CR2: variants seen among roughly 807,000 people sequenced by gnomAD.
The protein encoded by CR2 is complement receptor type 2.
A neutral mutation model predicts 123.0 loss-of-function variants in CR2; 96 were observed. The observed-to-expected ratio is 0.78, with a 90% CI of 0.66 to 0.93. CR2 has a LOEUF of 0.93. CR2 is among the 40% of genes least tolerant of loss of function. The pLI is 0.00. For synonymous variants in CR2, 484 were observed against 469.5 expected (o/e 1.03, Z -0.40); for missense variants, 1,258 against 1,361.0 (o/e 0.92, Z 1.19).
chr1:207,486,085 G>A (rs1217314697), intron 19 of CR2, among the ~76,000 whole-genome samples: 1 of 151,870 alleles, frequency 6.6e-6, no homozygotes, highest in Non-Finnish European at 1.5e-5. Context: ...ACAAAAATTA[G>A]CCAAGCGTGG....
At chr1:207,470,285 G>A (rs1406869949) in intron 6 of CR2, among the ~76,000 whole-genome samples, 183 bp downstream of exon 6, 1 of 152,170 alleles carries the variant, frequency 6.6e-6, no homozygotes, top group African/African-American at 2.4e-5. Context: ...GTTTTATTTT[G>A]TGGGAATATG....
Position 207,470,785 on chromosome 1 carries a change from G to A in CR2, c.1271G>A (p.Arg424Lys). The A allele has an allele frequency of 6.2e-7, 1 of 1,613,896 alleles. No individual in the cohort carries two copies. The highest frequency in any genetic ancestry group is 8.5e-7 in the Non-Finnish European group (1 of 1,179,872). The change falls in exon 7 of 20, where the codon AGA (arginine) becomes AAA (lysine). Residue 424 changes from arginine to lysine, a missense_variant. Physicochemically the swap from Arg to Lys is conservative, Grantham distance 26. Coordinates refer to ENST00000367057, the MANE Select transcript of CR2 (RefSeq NM_001006658.3). ...ATCCTCAATGGGCAAAAGGAAGATA[G>A]ACACATGGTCCGCTTTGACCCTGGA... Reference protein sequence around the residue: ...PNILNGQKEDRHMVRFDPGTS... With the variant: ...PNILNGQKEDKHMVRFDPGTS...
intron 19 of CR2, among the ~76,000 whole-genome samples, chr1:207,487,035 A>T (rs1658768988): frequency 6.6e-6 from 1 of 152,186 alleles, no homozygotes; most frequent in Non-Finnish European, 1.5e-5. Flanking sequence ...GATCTCCGAG[A>T]AGTGAAAGAG....
At chr1:207,458,098 A>ACACT (rs1408541467) in intron 1 of CR2, among the ~76,000 whole-genome samples, 2 of 148,786 alleles carry the variant, frequency 1.3e-5, no homozygotes, top group South Asian at 2.1e-4. Flanking sequence ...ACACACACAC[A>ACACT]CTCCTTTTTC....
At chr1:207,470,255 A>G (rs1362914856) in intron 6 of CR2, among the ~76,000 whole-genome samples, 153 bp downstream of exon 6, 1 of 152,182 alleles carries the variant, frequency 6.6e-6, no homozygotes, top group Non-Finnish European at 1.5e-5. Context: ...GGGCATTCTT[A>G]TCACTAGCCC....
intron 1 of CR2, among the ~76,000 whole-genome samples, chr1:207,463,577 T>C (rs1185570897): frequency 6.6e-6 from 1 of 152,174 alleles, no homozygotes; most frequent in Non-Finnish European, 1.5e-5. Context: ...CTGCTATTCT[T>C]TCAGTAGAGA....
In CR2 at chr1:207,466,805, CTG is replaced by C; in HGVS notation, c.341_342del (p.Val114AspfsTer5). On this transcript the variant is annotated frameshift_variant, in exon 2 of 20. Coordinates refer to ENST00000367057, the MANE Select transcript of CR2 (RefSeq NM_001006658.3). LOFTEE classifies it high-confidence loss of function. The stretch of plus-strand genomic sequence containing the variant: ...TCTACACCCTACAGACATGGTGATT[CTG>C]TGACATTTGCCTGTAAAACCAACTT... 6.2e-7 allele frequency: 1 copy of C among 1,613,974 alleles called. No homozygotes were observed. The highest frequency in any genetic ancestry group is 8.5e-7 in the Non-Finnish European group (1 of 1,179,958).
chr1:207,474,148 C>T, intron 12 of CR2, 93 bp from the exon 13 acceptor site: 2 of 1,137,834 alleles, frequency 1.8e-6, no homozygotes, highest in South Asian at 1.3e-5. Flanking sequence ...CTCCTCTCTG[C>T]CAAAGTTCTT....
In CR2 at chr1:207,471,501, T is replaced by C. The variant is rs1431512449; in HGVS notation, c.1570+2T>C. Reference sequence around the variant, plus strand: ...TTATGGAGATTCGTCTTTGTAAAGGTGAGTAGCAAAAATGATATAGGAGCT... The same window carrying C: ...TTATGGAGATTCGTCTTTGTAAAGGCGAGTAGCAAAAATGATATAGGAGCT... On this transcript the variant is annotated splice_donor_variant, in intron 9 of 19. Transcript: ENST00000367057. LOFTEE classifies it high-confidence loss of function. 11 of 1,600,754 alleles carry C rather than the reference T, an allele frequency of 6.9e-6. No homozygotes were observed. Among genetic ancestry groups the C allele is most frequent in the Non-Finnish European group, 9.4e-6 (11 of 1,167,958 alleles).
intron 19 of CR2, 118 bp from the exon 20 acceptor site, chr1:207,489,024 T>A (rs956237198): frequency 1.3e-5 from 2 of 152,280 alleles, no homozygotes; most frequent in South Asian, 2.1e-4. Context: ...ATAGACTTGA[T>A]GCTTTGTTGG....
intron 16 of CR2, 132 bp from the exon 17 acceptor site, chr1:207,479,125 C>T (rs1044245438): frequency 2.7e-6 from 2 of 750,914 alleles, no homozygotes; most frequent in Non-Finnish European, 4.8e-6. Context: ...TGCCTGGCCC[C>T]AGTACATCTT....
intron 18 of CR2, 93 bp downstream of exon 18, chr1:207,480,146 A>G (rs1658564760): frequency 1.6e-5 from 14 of 890,832 alleles, no homozygotes; most frequent in Admixed American, 1.2e-4. Flanking sequence ...AGTTATGTGA[A>G]ATAAATACTG....
At chr1:207,459,321 G>GTT (rs11398940) in intron 1 of CR2, among the ~76,000 whole-genome samples, 12 of 144,708 alleles carry the variant, frequency 8.3e-5, no homozygotes, top group Middle Eastern at 3.5e-3. Flanking sequence ...GTTTTTTGTT[G>GTT]TTTTTTTTTT....
intron 18 of CR2, among the ~76,000 whole-genome samples, chr1:207,482,759 G>A (rs780512278): frequency 7.2e-5 from 11 of 152,158 alleles, no homozygotes; most frequent in Admixed American, 1.3e-4. Context: ...GATGTTTCAG[G>A]TGAGCCTCAA....
Position 207,469,791 on chromosome 1 carries a change from G to A in CR2, c.914G>A (p.Cys305Tyr). 6.2e-7 allele frequency: 1 copy of A among 1,613,952 alleles called. No individual in the cohort carries two copies. Among genetic ancestry groups the A allele is most frequent in the Non-Finnish European group, 8.5e-7 (1 of 1,179,948 alleles). ...TATGGAAGCATAGTCACTTACACTT[G>A]TGACCCGGACCCAGAGGAAGGAGTG... ...VSYGSIVTYT[C>Y]DPDPEEGVNF... is the part of the protein sequence containing the mutation. The change falls in exon 6 of 20, where the codon TGT (cysteine) becomes TAT (tyrosine). Residue 305 changes from cysteine to tyrosine, a missense_variant. Physicochemically the swap from Cys to Tyr is radical, Grantham distance 194. Coordinates refer to ENST00000367057, the MANE Select transcript of CR2 (RefSeq NM_001006658.3).
chr1:207,460,506 A>C (rs1488235738), intron 1 of CR2, among the ~76,000 whole-genome samples: 2 of 152,134 alleles, frequency 1.3e-5, no homozygotes, highest in Non-Finnish European at 2.9e-5. Flanking sequence ...TTGAAAAAGG[A>C]GATTATAAAT....
rs1658258001 is a variant in CR2, at chr1:207,470,911, G to A, written c.1397G>A (p.Cys466Tyr). The A allele has an allele frequency of 6.2e-7, 1 of 1,613,698 alleles. No individual in the cohort carries two copies. Among genetic ancestry groups the A allele is most frequent in the Non-Finnish European group, 8.5e-7 (1 of 1,179,840 alleles). ...GTGTGGACACCCCCTGTACCCCAAT[G>A]CAAAGGTGCCAGGCCTCAAATGTAG... ...EGVWTPPVPQ[C>Y]KVAACEATGR... is the part of the protein sequence containing the mutation. Residue 466 changes from cysteine to tyrosine, a missense_variant, in exon 7 of 20, where the codon TGC (cysteine) becomes TAC (tyrosine). Transcript: ENST00000367057.
At chr1:207,468,452 T>C (rs1572952387) in intron 2 of CR2, 75 bp from the exon 3 acceptor site, 3 of 1,500,004 alleles carry the variant, frequency 2.0e-6, no homozygotes, top group South Asian at 1.1e-5. Context: ...AGCCAAAAGA[T>C]TGGACCCCCT....
chr1:207,454,816 G>T lies in CR2; in HGVS notation c.58+340G>T, dbSNP rs1268265402. 3.5e-6 allele frequency: 1 copy of T among 283,884 alleles called. No individual in the cohort carries two copies. 17.6% of individuals were successfully genotyped at this position (283,884 alleles called of 1,614,324 possible). ...AGGTGCTCATCGCTCTCTGGCCGGC[G>T]GTCAGCGCTACCGCTCGCCACGGGA... On this transcript the variant is annotated intron_variant, in intron 1 of 19. Transcript: ENST00000367057. The surrounding 1 kb of genome is among the most constrained non-coding windows in gnomAD (Gnocchi z 4.3).
Sources: allele counts gnomAD v4.1 joint callset (sites outside exome capture counted in the v4.1 genomes callset), GRCh38; gene constraint gnomAD v4.1.1; non-coding constraint Gnocchi (gnomAD v3.1); transcripts MANE v1.5; gene names NCBI Gene and HGNC (gene_info 2026-07-23, HGNC 2026-07-21).